GRM7: variants seen among roughly 807,000 people sequenced by gnomAD.
GRM7 encodes the protein metabotropic glutamate receptor 7.
In GRM7, 35 loss-of-function variants were observed where a neutral mutation model predicts 84.5. The observed-to-expected ratio is 0.41, with a 90% CI of 0.32 to 0.55. GRM7 has a LOEUF of 0.55. Ranked by LOEUF, GRM7 falls within the 20% of genes least tolerant of loss-of-function variation. The probability of loss-of-function intolerance (pLI) is 0.19; values close to 1 mark genes in which losing one functional copy is unlikely to be tolerated. For missense variants in GRM7, 1,003 were observed against 1,194.6 expected (o/e 0.84, Z 2.36); for synonymous variants, 487 against 455.1 (o/e 1.07, Z -0.89).
intron 4 of GRM7, among the ~76,000 whole-genome samples, chr3:7,308,297 A>G (rs1432382876): frequency 6.6e-6 from 1 of 152,032 alleles, no homozygotes; most frequent in Non-Finnish European, 1.5e-5. Context: ...ATCTGTGGCC[A>G]TCTCACCCCA....
chr3:7,250,716 G>C (rs1697952246), intron 2 of GRM7, among the ~76,000 whole-genome samples: 1 of 152,040 alleles, frequency 6.6e-6, no homozygotes, highest in East Asian at 1.9e-4. Flanking sequence ...TAGAGACGGG[G>C]CTTTGCCATG....
At chr3:6,880,176 TCA>T (rs2124960635) in intron 1 of GRM7, among the ~76,000 whole-genome samples, 1 of 152,216 alleles carries the variant, frequency 6.6e-6, no homozygotes, top group East Asian at 1.9e-4. Context: ...ATCAGATGGC[TCA>T]CAGAGTCTGC....
At chr3:7,693,493 A>G (rs2125152784) in intron 9 of GRM7, 1 of 662,758 alleles carries the variant, frequency 1.5e-6, no homozygotes, top group Non-Finnish European at 2.8e-6. Context: ...TAGGGTTAGT[A>G]TGAAAAATGC....
chr3:6,943,459 C>T (rs1330596722), intron 1 of GRM7, among the ~76,000 whole-genome samples: 1 of 151,926 alleles, frequency 6.6e-6, no homozygotes, highest in Non-Finnish European at 1.5e-5. Context: ...CATTGAATTG[C>T]CTTTGTTACA....
intron 2 of GRM7, among the ~76,000 whole-genome samples, chr3:7,164,988 G>A (rs1390892535): frequency 1.3e-5 from 2 of 152,182 alleles, no homozygotes; most frequent in African/African-American, 4.8e-5. Context: ...GGAAAAATCA[G>A]CATCTGTGTT....
At chr3:7,181,328 C>A (rs1305197873) in intron 2 of GRM7, among the ~76,000 whole-genome samples, 1 of 152,120 alleles carries the variant, frequency 6.6e-6, no homozygotes, top group Admixed American at 6.5e-5. Context: ...AATGCAGATT[C>A]ATTCTTACCA....
intron 2 of GRM7, among the ~76,000 whole-genome samples, chr3:7,281,383 G>A (rs1699246026): frequency 6.6e-6 from 1 of 152,060 alleles, no homozygotes; most frequent in Non-Finnish European, 1.5e-5. Flanking sequence ...TGTCTTATTA[G>A]TGAGGGAGAT....
chr3:6,997,977 G>C (rs542948038), intron 1 of GRM7, among the ~76,000 whole-genome samples: 1 of 151,454 alleles, frequency 6.6e-6, no homozygotes, highest in Non-Finnish European at 1.5e-5. Flanking sequence ...AAATTAGCTG[G>C]GTGTGGTGGC....
rs557170247 is a variant in GRM7 at position 7,631,133 on chromosome 3, G to A, written c.2452-48916G>A. Among the ~76,000 whole-genome samples the A allele has an allele frequency of 2.0e-5, 3 of 152,184 alleles. No individual in the cohort carries two copies. In the South Asian group the frequency reaches 6.2e-4, roughly 32 times the overall value. ...TTCAGCTGTGGGGACCAGACAGCAG[G>A]AGTACAATCACCCTTCCAGTGATAC... On this transcript the variant is annotated intron_variant, in intron 8 of 9. Coordinates refer to ENST00000357716, the MANE Select transcript of GRM7 (RefSeq NM_000844.4).
At chr3:6,993,425 T>G (rs1014295536) in intron 1 of GRM7, among the ~76,000 whole-genome samples, 1 of 152,068 alleles carries the variant, frequency 6.6e-6, no homozygotes, top group African/African-American at 2.4e-5. Flanking sequence ...GTAGACAGAC[T>G]GAGAAAAAGC....
chr3:7,170,938 A>C (rs1694964008), intron 2 of GRM7, among the ~76,000 whole-genome samples: 2 of 152,176 alleles, frequency 1.3e-5, no homozygotes, highest in Admixed American at 1.3e-4. Context: ...AGCATGATAC[A>C]TGCAGACACA....
chr3:7,334,063 G>C (rs1701309720), intron 4 of GRM7, among the ~76,000 whole-genome samples: 1 of 152,024 alleles, frequency 6.6e-6, no homozygotes, highest in South Asian at 2.1e-4. Context: ...AAACTTCCTT[G>C]GTCTTGCTAG....
At chr3:7,008,398 C>T (rs759532488) in intron 1 of GRM7, among the ~76,000 whole-genome samples, 6 of 152,136 alleles carry the variant, frequency 3.9e-5, no homozygotes, top group Non-Finnish European at 7.4e-5. Context: ...CTGATGGAAA[C>T]GTCTGATGAC....
intron 7 of GRM7, among the ~76,000 whole-genome samples, chr3:7,475,713 G>T (rs964125253): frequency 6.6e-6 from 1 of 152,146 alleles, no homozygotes; most frequent in African/African-American, 2.4e-5. Context: ...ACAACATTAT[G>T]GCAAAACCAT....
intron 4 of GRM7, among the ~76,000 whole-genome samples, chr3:7,377,241 A>G (rs1694389578): frequency 6.6e-6 from 1 of 152,182 alleles, no homozygotes; most frequent in African/African-American, 2.4e-5. Flanking sequence ...CCATAAATTC[A>G]AGTCAAATGT....
intron 1 of GRM7, among the ~76,000 whole-genome samples, chr3:7,017,046 G>C (rs570500232): frequency 1.3e-5 from 2 of 152,338 alleles, no homozygotes; most frequent in African/African-American, 4.8e-5. Flanking sequence ...ATGAGCCCCA[G>C]CTGCTTCAGA....
chr3:7,317,926 AT>A (rs753855514), intron 4 of GRM7, among the ~76,000 whole-genome samples: 1 of 152,104 alleles, frequency 6.6e-6, no homozygotes, highest in Non-Finnish European at 1.5e-5. Flanking sequence ...ATACCTCTCT[AT>A]TTTATTCATG....
At chr3:7,737,659 A>C (rs1702549591) in intron 9 of GRM7, among the ~76,000 whole-genome samples, 1 of 152,180 alleles carries the variant, frequency 6.6e-6, no homozygotes, top group South Asian at 2.1e-4. Context: ...ACCTGCATAA[A>C]CTTCATTATA....
intron 7 of GRM7, among the ~76,000 whole-genome samples, chr3:7,490,415 C>T (rs1699477627): frequency 6.6e-6 from 1 of 152,130 alleles, no homozygotes; most frequent in South Asian, 2.1e-4. Flanking sequence ...ATAAGCATAG[C>T]ACCATTTCAG....
Sources: allele counts gnomAD v4.1 joint callset (sites outside exome capture counted in the v4.1 genomes callset), GRCh38; gene constraint gnomAD v4.1.1; transcripts MANE v1.5; gene names NCBI Gene and HGNC (gene_info 2026-07-23, HGNC 2026-07-21).